Variants in CTBP2 observed in about 807,000 individuals in gnomAD.
CTBP2 encodes C-terminal binding protein 2, also known as C-terminal-binding protein 2.
Under a neutral mutation model 80.3 loss-of-function variants are expected in CTBP2, and 30 were observed. That is an observed-to-expected ratio of 0.37 (90% CI 0.28 to 0.51). The LOEUF is 0.51. Among genes scored for constraint, CTBP2 ranks in the 20% least tolerant of loss-of-function variants. The pLI, the probability that CTBP2 is intolerant of heterozygous loss-of-function variation, is 0.93. For synonymous variants in CTBP2, 594 were observed against 587.4 expected (o/e 1.01, Z -0.16); for missense variants, 1,212 against 1,375.3 (o/e 0.88, Z 1.88).
At chr10:125,023,275 G>A (rs1350009402) in intron 1 of CTBP2, among the ~76,000 whole-genome samples, 1 of 152,248 alleles carries the variant, frequency 6.6e-6, no homozygotes, top group Non-Finnish European at 1.5e-5. Flanking sequence ...TTTGGGCTGG[G>A]ACTGCGTTTC....
intron 1 of CTBP2, among the ~76,000 whole-genome samples, chr10:125,120,277 T>C (rs527982780): frequency 5.3e-5 from 8 of 152,340 alleles, no homozygotes; most frequent in African/African-American, 1.4e-4. Flanking sequence ...AGCAGGAAGA[T>C]GAGCAGGAAG....
chr10:125,105,675 T>G (rs1473844119), intron 2 of CTBP2, among the ~76,000 whole-genome samples: 1 of 152,128 alleles, frequency 6.6e-6, no homozygotes, highest in Admixed American at 6.5e-5. Flanking sequence ...ACCAAGACAT[T>G]TTTTTAAAAA....
chr10:125,062,042 T>C (rs1234200624), intron 2 of CTBP2, among the ~76,000 whole-genome samples: 1 of 152,192 alleles, frequency 6.6e-6, no homozygotes, highest in Admixed American at 6.5e-5. Context: ...GAGTTTGTGA[T>C]GGACCTAAAC....
intron 8 of CTBP2, among the ~76,000 whole-genome samples, chr10:124,991,148 C>T (rs1418918755): frequency 6.6e-6 from 1 of 152,234 alleles, no homozygotes; most frequent in African/African-American, 2.4e-5. Context: ...CTGCATTCGC[C>T]AACCACAGAA....
chr10:125,058,067 C>T (rs1423292482), intron 2 of CTBP2, among the ~76,000 whole-genome samples: 1 of 151,996 alleles, frequency 6.6e-6, no homozygotes, highest in Non-Finnish European at 1.5e-5. Flanking sequence ...GGAGGCCTCT[C>T]GGAGTTAGTA....
intron 1 of CTBP2, among the ~76,000 whole-genome samples, chr10:125,120,397 T>C (rs1481470102): frequency 2.6e-5 from 4 of 152,250 alleles, no homozygotes; most frequent in African/African-American, 9.6e-5. Context: ...TTTCTTTTTT[T>C]CTTTTTTGAG....
intron 2 of CTBP2, among the ~76,000 whole-genome samples, chr10:125,098,998 C>T (rs1250924017): frequency 1.3e-5 from 2 of 152,196 alleles, no homozygotes; most frequent in African/African-American, 4.8e-5. Context: ...TTTACCAAGC[C>T]AGAAAGCCTC....
intron 5 of CTBP2, 117 bp downstream of exon 7, chr10:124,994,352 C>T: frequency 2.0e-6 from 2 of 1,015,342 alleles, no homozygotes; most frequent in Admixed American, 2.1e-5. Flanking sequence ...GGGCCTCTTC[C>T]CTGCTCAACA....
rs1860159041 is a variant in CTBP2 at position 125,152,443 on chromosome 10, C to T, written c.-206+7876G>A. On this transcript the variant is annotated intron_variant, in intron 1 of 10. Coordinates refer to the CTBP2 transcript ENST00000337195. ...CTGAGCGGATCGCAGGGGTTCCAGG[C>T]GCCCCAGGCCCCCCACACCGCGAGT... 2.6e-5 allele frequency among the ~76,000 whole-genome samples: 4 copies of T among 152,320 alleles called. No individual in the cohort carries two copies. In the South Asian group the frequency reaches 8.3e-4, roughly 32 times the overall value.
Position 124,989,690 on chromosome 10 carries a change from G to A in CTBP2, c.2786C>T (p.Pro929Leu). 6.3e-7 allele frequency: 1 copy of A among 1,575,864 alleles called. No individual in the cohort carries two copies. The highest frequency in any genetic ancestry group is 8.6e-7 in the Non-Finnish European group (1 of 1,160,494). ...TCCTGGAGCCACACCCACGATGCCT[G>A]GCGGATATCTAAGGAACACACAGAA... is the stretch of plus-strand genomic sequence containing the variant. Residue 929 changes from proline (P) to leucine (L), a missense_variant, in exon 9 of 9, where the codon CCA (proline) becomes CTA (leucine). By Grantham distance (98) the Pro-to-Leu change is moderately conservative. Transcript: ENST00000309035.
chr10:125,005,899 T>A, intron 1 of CTBP2: 2 of 1,518,958 alleles, frequency 1.3e-6, no homozygotes, highest in Non-Finnish European at 1.8e-6. Flanking sequence ...AGTGCCTGAT[T>A]ATAAGAAATC....
chr10:125,015,042 G>C (rs1421707752), intron 1 of CTBP2, among the ~76,000 whole-genome samples: 1 of 152,208 alleles, frequency 6.6e-6, no homozygotes, highest in African/African-American at 2.4e-5. Context: ...CCACACATCT[G>C]CTTCCTTGGG....
rs1257817710 is a variant in CTBP2, at chr10:125,118,419, C to T, written c.-205-7326G>A. On this transcript the variant is annotated intron_variant, in intron 1 of 10. Transcript: ENST00000337195. ...AAGGAACAAGGAACAAATTGATAAACGGGTGCTGCTGATCGGGGCTGCCAT... is the reference window on the plus strand; with the variant it reads ...AAGGAACAAGGAACAAATTGATAAATGGGTGCTGCTGATCGGGGCTGCCAT... Among the ~76,000 whole-genome samples, 3 of 152,318 alleles carry T rather than the reference C, an allele frequency of 2.0e-5. No individual in the cohort carries two copies. The South Asian group carries it at 6.2e-4, about 32-fold the overall frequency.
chr10:125,118,799 C>G (rs374424958), intron 1 of CTBP2, among the ~76,000 whole-genome samples: 1 of 152,230 alleles, frequency 6.6e-6, no homozygotes, highest in African/African-American at 2.4e-5. Flanking sequence ...CCCGCAAAGG[C>G]GCGCAGCTCC....
chr10:125,152,504 C>T (rs1565057421), intron 1 of CTBP2, among the ~76,000 whole-genome samples: 1 of 152,226 alleles, frequency 6.6e-6, no homozygotes. Context: ...CTCTTTATGA[C>T]TTGGGGGAGG....
chr10:125,067,361 C>T (rs2935651), intron 2 of CTBP2, among the ~76,000 whole-genome samples: 73,365 of 152,046 alleles, frequency 0.48, 18,088 homozygotes, highest in East Asian at 0.73. Context: ...AAAAGGATAT[C>T]AGATCATCAG....
chr10:125,067,806 T>C (rs1171303745), intron 2 of CTBP2, among the ~76,000 whole-genome samples: 1 of 152,214 alleles, frequency 6.6e-6, no homozygotes, highest in Non-Finnish European at 1.5e-5. Flanking sequence ...TCAAGTCCCA[T>C]GGGCAGGGCC....
At chr10:125,112,707 T>C (rs914420774) in intron 1 of CTBP2, among the ~76,000 whole-genome samples, 12 of 152,272 alleles carry the variant, frequency 7.9e-5, no homozygotes, top group African/African-American at 2.6e-4. Context: ...GATACAGGCA[T>C]GAGCCACCAT....
chr10:125,106,509 C>T (rs1426786006), intron 2 of CTBP2, among the ~76,000 whole-genome samples: 1 of 152,192 alleles, frequency 6.6e-6, no homozygotes, highest in East Asian at 1.9e-4. Context: ...AAGTTCTTCA[C>T]TAACAAAATG....
Sources: gnomAD v4.1 joint callset for allele counts (sites outside exome capture counted in the v4.1 genomes callset) on GRCh38, gnomAD v4.1.1 for gene constraint, MANE v1.5 for transcripts, NCBI Gene and HGNC (gene_info 2026-07-23, HGNC 2026-07-21) for gene names.